Variants in PPIG observed in about 807,000 individuals in gnomAD.
The protein encoded by PPIG is peptidyl-prolyl cis-trans isomerase G.
PPIG carries 26 observed loss-of-function variants against 87.9 expected under a neutral mutation model. The observed-to-expected ratio is 0.30, with a 90% CI of 0.22 to 0.41. PPIG has a LOEUF of 0.41. PPIG is among the 10% of genes least tolerant of loss of function. The probability of loss-of-function intolerance (pLI) is 1.00; values close to 1 mark genes in which losing one functional copy is unlikely to be tolerated. For missense variants in PPIG, 722 were observed against 879.4 expected (o/e 0.82, Z 2.26); for synonymous variants, 308 against 276.5 (o/e 1.11, Z -1.13).
chr2:169,585,187 T>C (rs925381476), intron 1 of PPIG, among the ~76,000 whole-genome samples: 2 of 151,894 alleles, frequency 1.3e-5, no homozygotes, highest in African/African-American at 4.8e-5. Flanking sequence ...TAGGAGGAGA[T>C]AATTACTCTT....
chr2:169,607,114 A>G lies in PPIG; in HGVS notation c.255A>G (p.Arg85=). Residue 85 remains arginine, a synonymous_variant, in exon 6 of 14, where the codon CGA becomes CGG. Coordinates refer to ENST00000260970, the MANE Select transcript of PPIG (RefSeq NM_004792.3). ...GTTTTTCATTTTTAGGAAATGGACG[A>G]GGAGGGGAATCTATCTATGGAGGAT... ...QGGDFSEGNG[R]GGESIYGGFF... 1 of 1,570,304 alleles carries G rather than the reference A, an allele frequency of 6.4e-7. No individual in the cohort carries two copies. The highest frequency in any genetic ancestry group is 8.7e-7 in the Non-Finnish European group (1 of 1,144,740).
intron 12 of PPIG, chr2:169,633,448 G>C (rs746964128): frequency 5.0e-6 from 3 of 596,104 alleles, no homozygotes; most frequent in Non-Finnish European, 2.9e-6. Flanking sequence ...GATATGAATA[G>C]ATTTTACATT....
chr2:169,633,088 T>G (rs1686099713), intron 11 of PPIG, 72 bp from the exon 12 acceptor site: 4 of 1,197,792 alleles, frequency 3.3e-6, no homozygotes, highest in Non-Finnish European at 5.0e-6. Flanking sequence ...GATTCATTTT[T>G]ATTAAAGTAA....
chr2:169,591,845 A>G (rs979751550), intron 1 of PPIG, among the ~76,000 whole-genome samples: 3 of 151,508 alleles, frequency 2.0e-5, no homozygotes, highest in Non-Finnish European at 2.9e-5. Context: ...ACAAATTTGC[A>G]GCAAACAAAT....
chr2:169,601,041 C>G (rs938579700), intron 1 of PPIG, among the ~76,000 whole-genome samples: 1 of 152,112 alleles, frequency 6.6e-6, no homozygotes, highest in East Asian at 1.9e-4. Context: ...CAAGATCTCT[C>G]TTTGTAGAAA....
chr2:169,631,892 G>C lies in PPIG; in HGVS notation c.888G>C (p.Glu296Asp). 4 of 1,606,980 alleles carry C rather than the reference G, an allele frequency of 2.5e-6. No homozygotes were observed. Among genetic ancestry groups the C allele is most frequent in the Non-Finnish European group, 3.4e-6 (4 of 1,174,190 alleles). The change falls in exon 11 of 14, where the codon GAG becomes GAC. Residue 296 changes from glutamate to aspartate, a missense_variant. Physicochemically the swap from Glu to Asp is conservative, Grantham distance 45. Coordinates refer to ENST00000260970, the MANE Select transcript of PPIG (RefSeq NM_004792.3). ...LMRKSPPKAD[E>D]KERKNRERER... Reference sequence around the variant, plus strand: ...GAAAAAGTCCTCCTAAAGCTGATGAGAAGGAAAGGAAAAACAGAGAGAGAG... The same window carrying C: ...GAAAAAGTCCTCCTAAAGCTGATGACAAGGAAAGGAAAAACAGAGAGAGAG...
At chr2:169,617,126 C>A (rs1268533820) in intron 9 of PPIG, among the ~76,000 whole-genome samples, 1 of 152,110 alleles carries the variant, frequency 6.6e-6, no homozygotes, top group African/African-American at 2.4e-5. Flanking sequence ...AATCCTTTCC[C>A]TATTTCTTGT....
At chr2:169,607,079 A>T in intron 5 of PPIG, 25 bp from the exon 6 acceptor site, 2 of 1,496,570 alleles carry the variant, frequency 1.3e-6, no homozygotes, top group East Asian at 2.3e-5. Context: ...ACTGAGAGTT[A>T]TAAGAGTATG....
intron 1 of PPIG, among the ~76,000 whole-genome samples, chr2:169,598,532 C>G (rs1288779867): frequency 6.6e-6 from 1 of 152,092 alleles, no homozygotes; most frequent in African/African-American, 2.4e-5. Flanking sequence ...ACCTTGTGAT[C>G]CACCCAAAGC....
At chr2:169,630,663 T>G in intron 9 of PPIG, 111 bp from the exon 10 acceptor site, 14 of 878,090 alleles carry the variant, frequency 1.6e-5, no homozygotes, top group Non-Finnish European at 2.5e-5. Context: ...CATAGCTGGA[T>G]GATCTAAGTG....
chr2:169,625,638 C>T (rs534107990), intron 9 of PPIG, among the ~76,000 whole-genome samples: 15 of 152,154 alleles, frequency 9.9e-5, no homozygotes, highest in Non-Finnish European at 1.6e-4. Flanking sequence ...TCCTTTACCG[C>T]CTATTATTTA....
At chr2:169,603,428 A>G (rs563643974) in intron 1 of PPIG, among the ~76,000 whole-genome samples, 1 of 152,266 alleles carries the variant, frequency 6.6e-6, no homozygotes. Context: ...CAGAATCAGC[A>G]AGTACCCTCA....
intron 9 of PPIG, among the ~76,000 whole-genome samples, chr2:169,629,446 C>G (rs1044881547): frequency 1.3e-5 from 2 of 152,100 alleles, no homozygotes; most frequent in African/African-American, 4.8e-5. Context: ...TGAATCAATC[C>G]AAATGAAGTT....
At chr2:169,610,720 T>A (rs1417482795) in intron 7 of PPIG, among the ~76,000 whole-genome samples, 1 of 152,178 alleles carries the variant, frequency 6.6e-6, no homozygotes, top group African/African-American at 2.4e-5. Flanking sequence ...TTCCCTTTCT[T>A]ACACCGTAGA....
chr2:169,606,559 T>C (rs2105490182), intron 5 of PPIG, among the ~76,000 whole-genome samples: 1 of 118,804 alleles, frequency 8.4e-6, no homozygotes, highest in African/African-American at 3.3e-5. Context: ...GCCACTGCAC[T>C]CCGGCCTGAA....
At chr2:169,584,617 C>A in intron 1 of PPIG, 127 bp downstream of exon 1, 1 of 428,232 alleles carries the variant, frequency 2.3e-6, no homozygotes, top group Non-Finnish European at 4.6e-6. Context: ...TACCGTCTTT[C>A]CCTCGAGGTA....
At chr2:169,608,540 A>G in intron 6 of PPIG, 131 bp from the exon 7 acceptor site, 1 of 522,762 alleles carries the variant, frequency 1.9e-6, no homozygotes, top group East Asian at 3.5e-5. Context: ...CTCTTCTTTC[A>G]TAACCTAACT....
chr2:169,589,091 C>G (rs1015511233), intron 1 of PPIG, among the ~76,000 whole-genome samples: 3 of 151,406 alleles, frequency 2.0e-5, no homozygotes, highest in Non-Finnish European at 4.4e-5. Flanking sequence ...TTTTATGTCT[C>G]TCAGATCGTA....
intron 1 of PPIG, among the ~76,000 whole-genome samples, chr2:169,592,995 G>A (rs1337487048): frequency 6.6e-6 from 1 of 151,896 alleles, no homozygotes; most frequent in East Asian, 1.9e-4. Context: ...TTGCATTTGA[G>A]GCATATGTGA....
Sources: allele counts gnomAD v4.1 joint callset (sites outside exome capture counted in the v4.1 genomes callset), GRCh38; gene constraint gnomAD v4.1.1; transcripts MANE v1.5; gene names NCBI Gene and HGNC (gene_info 2026-07-23, HGNC 2026-07-21).